AHNAK: variants seen among roughly 807,000 people sequenced by gnomAD.
AHNAK encodes the protein neuroblast differentiation-associated protein AHNAK.
Under a neutral mutation model 37.8 loss-of-function variants are expected in AHNAK, and 23 were observed. The ratio of observed to expected loss-of-function variants is 0.61; its 90% CI spans 0.44 to 0.86. The LOEUF (loss-of-function observed/expected upper bound fraction) is 0.86, where lower values mean the gene tolerates loss of function less well. AHNAK is among the 40% of genes least tolerant of loss of function. The probability of loss-of-function intolerance (pLI) is 0.00; values close to 1 mark genes in which losing one functional copy is unlikely to be tolerated. For missense variants in AHNAK, 7,411 were observed against 7,319.4 expected, an observed-to-expected ratio of 1.01 and a Z score of -0.46; for synonymous variants, 2,481 against 2,636.3, an observed-to-expected ratio of 0.94 and a Z score of 1.80.
Position 62,520,603 on chromosome 11 carries a change from G to A in AHNAK, c.13814C>T (p.Pro4605Leu). Residue 4605 changes from proline (P) to leucine (L), a missense_variant, in exon 5 of 5, where the codon CCA becomes CTA. Coordinates refer to ENST00000378024, the MANE Select transcript of AHNAK (RefSeq NM_001620.3). ...MPEVDLNLKG[P>L]KVKGDMDISL... ...AATGTCCATGTCGCCCTTCACCTTTGGACCTTTCAGATTCAGGTCAACTTC... is the reference window on the plus strand; with the variant it reads ...AATGTCCATGTCGCCCTTCACCTTTAGACCTTTCAGATTCAGGTCAACTTC... 6.2e-7 allele frequency: 1 copy of A among 1,614,078 alleles called. No homozygotes were observed. Among genetic ancestry groups the A allele is most frequent in the Non-Finnish European group, 8.5e-7 (1 of 1,180,008 alleles).
chr11:62,447,721 C>A (rs1224728331), intron 5 of AHNAK, among the ~76,000 whole-genome samples: 1 of 152,160 alleles, frequency 6.6e-6, no homozygotes, highest in Admixed American at 6.6e-5. Context: ...CTCTGCCCAC[C>A]TCTTGAATCT....
At chr11:62,482,738 G>A (rs1214742041) in intron 5 of AHNAK, among the ~76,000 whole-genome samples, 2 of 152,162 alleles carry the variant, frequency 1.3e-5, no homozygotes, top group Admixed American at 1.3e-4. Flanking sequence ...GCATGGTAGA[G>A]ACCACACCTG....
Position 62,522,659 on chromosome 11 carries a change from C to A in AHNAK, c.11758G>T (p.Asp3920Tyr). Residue 3920 changes from aspartate to tyrosine, a missense_variant, in exon 5 of 5, where the codon GAT becomes TAT. Coordinates refer to ENST00000378024, the MANE Select transcript of AHNAK (RefSeq NM_001620.3). ...KGPKVDINAP[D>Y]VDVRGPDWHL... Reference sequence around the variant, plus strand: ...CAGTCTGGGCCTCGAACATCCACATCTGGGGCATTAATATCCACTTTGGGG... The same window carrying A: ...CAGTCTGGGCCTCGAACATCCACATATGGGGCATTAATATCCACTTTGGGG... 6.2e-7 allele frequency: 1 copy of A among 1,612,998 alleles called. No individual in the cohort carries two copies. Among genetic ancestry groups the A allele is most frequent in the South Asian group, 1.1e-5 (1 of 91,042 alleles).
In AHNAK at chr11:62,520,947, C is replaced by T. The variant is rs1940215507; in HGVS notation, c.13470G>A (p.Gly4490=). 6.2e-7 allele frequency: 1 copy of T among 1,614,000 alleles called. No individual in the cohort carries two copies. Among genetic ancestry groups the T allele is most frequent in the South Asian group, 1.1e-5 (1 of 91,088 alleles). ...SLPKVESDLK[G]PEVDIEGPEG... ...CAGGACCTTCAATGTCTACCTCTGG[C>T]CCTTTCAGATCACTTTCCACCTTAG... Residue 4490 remains glycine, a synonymous_variant, in exon 5 of 5, where the codon GGG becomes GGA. Transcript: ENST00000378024.
At chr11:62,452,060 C>T (rs1670422168) in intron 5 of AHNAK, among the ~76,000 whole-genome samples, 1 of 152,062 alleles carries the variant, frequency 6.6e-6, no homozygotes, top group Admixed American at 6.6e-5. Context: ...GATCCACCTG[C>T]CTCGGCCTCC....
intron 1 of AHNAK, among the ~76,000 whole-genome samples, chr11:62,539,476 G>C (rs532565519): frequency 5.6e-5 from 8 of 142,720 alleles, no homozygotes; most frequent in Admixed American, 5.1e-4. Flanking sequence ...GCAGCTGGCT[G>C]CAACAGCTCC....
chr11:62,493,398 T>C (rs1939543189), intron 4 of AHNAK, among the ~76,000 whole-genome samples: 1 of 145,790 alleles, frequency 6.9e-6, no homozygotes, highest in South Asian at 2.2e-4. Flanking sequence ...TGGCACAATC[T>C]CACTGCAACC....
intron 5 of AHNAK, among the ~76,000 whole-genome samples, chr11:62,441,982 C>T (rs964060032): frequency 6.6e-5 from 10 of 152,104 alleles, no homozygotes; most frequent in South Asian, 6.2e-4. Flanking sequence ...CACAAGTCGG[C>T]GCAAATCACC....
intron 5 of AHNAK, among the ~76,000 whole-genome samples, chr11:62,487,533 G>A (rs1445569999): frequency 9.9e-5 from 15 of 151,692 alleles, no homozygotes; most frequent in East Asian, 1.9e-4. Context: ...TTTTTGAGAC[G>A]GAGTCTCGCA....
intron 5 of AHNAK, among the ~76,000 whole-genome samples, chr11:62,471,802 C>A (rs1253668953): frequency 6.6e-6 from 1 of 152,146 alleles, no homozygotes; most frequent in African/African-American, 2.4e-5. Context: ...CCACAGGCAC[C>A]CCTCAGCCCC....
In AHNAK at chr11:62,519,517, C is replaced by T. The variant is rs770409553; in HGVS notation, c.14900G>A (p.Gly4967Glu). The T allele has an allele frequency of 3.7e-6, 6 of 1,612,890 alleles. No individual in the cohort carries two copies. The highest frequency in any genetic ancestry group is 5.1e-6 in the Non-Finnish European group (6 of 1,179,630). ...HMDSPDINIE[G>E]PDVKIPKFKK... is the part of the protein sequence containing the mutation. ...AAATTTGGGGATTTTAACATCTGGC[C>T]CTTCGATGTTAATATCTGGGCTGTC... Residue 4967 changes from glycine (G) to glutamate (E), a missense_variant, in exon 5 of 5, where the codon GGG becomes GAG. Coordinates refer to ENST00000378024, the MANE Select transcript of AHNAK (RefSeq NM_001620.3).
chr11:62,476,549 G>A (rs1939151212), intron 5 of AHNAK, among the ~76,000 whole-genome samples: 1 of 152,134 alleles, frequency 6.6e-6, no homozygotes, highest in Non-Finnish European at 1.5e-5. Context: ...GACATTGGAC[G>A]GTCGTTCAGC....
intron 5 of AHNAK, among the ~76,000 whole-genome samples, chr11:62,443,686 T>C (rs751154612): frequency 6.6e-6 from 1 of 152,146 alleles, no homozygotes; most frequent in South Asian, 2.1e-4. Context: ...TACAGCCCCA[T>C]AGACTTGAAA....
chr11:62,443,580 C>T (rs1474630684), intron 5 of AHNAK, among the ~76,000 whole-genome samples: 1 of 152,128 alleles, frequency 6.6e-6, no homozygotes, highest in East Asian at 1.9e-4. Context: ...CTGGGTCTTG[C>T]TCATCTTGAA....
intron 4 of AHNAK, among the ~76,000 whole-genome samples, chr11:62,509,684 A>T (rs1048285575): frequency 8.5e-5 from 13 of 152,328 alleles, no homozygotes; most frequent in African/African-American, 3.1e-4. Flanking sequence ...TGGGAGGCTG[A>T]GGCAGGCAGG....
At chr11:62,441,694 G>T (rs2134781528) in intron 5 of AHNAK, among the ~76,000 whole-genome samples, 1 of 151,918 alleles carries the variant, frequency 6.6e-6, no homozygotes, top group Admixed American at 6.6e-5. Context: ...TAGAGATGGG[G>T]TTTCACCATG....
At chr11:62,455,531 C>A (rs988944100) in intron 5 of AHNAK, among the ~76,000 whole-genome samples, 1 of 151,964 alleles carries the variant, frequency 6.6e-6, no homozygotes, top group African/African-American at 2.4e-5. Context: ...CATGGAGAAA[C>A]CCTGTCTCTA....
chr11:62,469,587 C>T (rs1938987944), intron 5 of AHNAK, among the ~76,000 whole-genome samples: 1 of 152,024 alleles, frequency 6.6e-6, no homozygotes, highest in Non-Finnish European at 1.5e-5. Flanking sequence ...GCCTCAGCCT[C>T]CCTAGTAGCT....
At chr11:62,539,914 G>A (rs1387048005) in intron 1 of AHNAK, among the ~76,000 whole-genome samples, 1 of 152,230 alleles carries the variant, frequency 6.6e-6, no homozygotes, top group Non-Finnish European at 1.5e-5. Context: ...AAATACTGAA[G>A]GGAATACTGA....
Sources: gnomAD v4.1 joint callset for allele counts (sites outside exome capture counted in the v4.1 genomes callset) on GRCh38, gnomAD v4.1.1 for gene constraint, MANE v1.5 for transcripts, NCBI Gene and HGNC (gene_info 2026-07-23, HGNC 2026-07-21) for gene names.